The following MYH7 variants were observed in gnomAD, a reference collection of about 807,000 sequenced individuals.
The protein encoded by MYH7 is myosin heavy chain 7.
In MYH7, 129 loss-of-function variants were observed where a neutral mutation model predicts 225.4. The ratio of observed to expected loss-of-function variants is 0.57; its 90% CI spans 0.50 to 0.66. The LOEUF (loss-of-function observed/expected upper bound fraction) is 0.66. MYH7 is among the 30% of genes least tolerant of loss of function. The pLI, the probability that MYH7 is intolerant of heterozygous loss-of-function variation, is 0.00. For missense variants in MYH7, 1,649 were observed against 2,517.0 expected, an observed-to-expected ratio of 0.66 and a Z score of 7.38; for synonymous variants, 971 against 1,007.6, an observed-to-expected ratio of 0.96 and a Z score of 0.69.
At chr14:23,435,014 A>G (rs933739060) in intron 1 of MYH7, among the ~76,000 whole-genome samples, 1 of 152,108 alleles carries the variant, frequency 6.6e-6, no homozygotes, top group Non-Finnish European at 1.5e-5. Context: ...ACGTAAGTAG[A>G]TCACATCACT....
Position 23,433,649 on chromosome 14 carries a change from G to C in MYH7, c.84C>G (p.Thr28=), listed in dbSNP as rs200930470. 132 of 1,614,260 alleles carry C rather than the reference G, an allele frequency of 8.2e-5. No homozygotes were observed. The highest frequency in any genetic ancestry group is 2.0e-4 in the East Asian group (9 of 44,890). The change falls in exon 3 of 40, where the codon ACC becomes ACG. Residue 28 remains threonine (T), a synonymous_variant. Coordinates refer to ENST00000355349, the MANE Select transcript of MYH7 (RefSeq NM_000257.4). This position sits in a 1 kb window ranked among gnomAD's most constrained non-coding sequence, Gnocchi z 4.1. ...KSEKERLEAQ[T]RPFDLKKDVF... is the part of the protein sequence containing the mutation. ...CATCCTTCTTGAGGTCAAAAGGCCTGGTCTGCGCTTCTAGCCGCTCCTTCT... is the reference window on the plus strand; with the variant it reads ...CATCCTTCTTGAGGTCAAAAGGCCTCGTCTGCGCTTCTAGCCGCTCCTTCT...
intron 1 of MYH7, among the ~76,000 whole-genome samples, chr14:23,434,805 A>T (rs1893080870): frequency 6.6e-6 from 1 of 152,114 alleles, no homozygotes; most frequent in Non-Finnish European, 1.5e-5. Flanking sequence ...GAGAGAAGAC[A>T]CTGTGGGCTT....
rs756655803 is a variant in MYH7 at position 23,413,860 on chromosome 14, G to A, written c.5689C>T (p.Arg1897Cys). 8 of 1,614,134 alleles carry A rather than the reference G, an allele frequency of 5.0e-6. No individual in the cohort carries two copies. Among genetic ancestry groups the A allele is most frequent in the East Asian group, 4.5e-5 (2 of 44,902 alleles). The part of the protein sequence containing the change: ...EQANTNLSKF[R>C]KVQHELDEAE... ...TCATCCAGCTCGTGCTGCACCTTGC[G>A]GAACTTGGACAGGTTGGTGTTGGCT... The change falls in exon 39 of 40, where the codon CGC becomes TGC. Residue 1897 changes from arginine (R) to cysteine (C), a missense_variant. Coordinates refer to ENST00000355349, the MANE Select transcript of MYH7 (RefSeq NM_000257.4).
At chr14:23,434,335 T>G in intron 1 of MYH7, 86 bp from the exon 2 acceptor site, 1 of 910,160 alleles carries the variant, frequency 1.1e-6, no homozygotes. Flanking sequence ...GCTCTGTTCT[T>G]CAGCATCCAC....
In MYH7 at chr14:23,432,766, G is replaced by A; in HGVS notation, c.375C>T (p.Val125=). 1 of 1,614,210 alleles carries A rather than the reference G, an allele frequency of 6.2e-7. No individual in the cohort carries two copies. The highest frequency in any genetic ancestry group is 1.3e-5 in the African/African-American group (1 of 75,046). The change falls in exon 5 of 40, where the codon GTC becomes GTT. Residue 125 remains valine (V), a synonymous_variant. Transcript: ENST00000355349. ...YTYSGLFCVT[V]NPYKWLPVYT... ...ACACCGGCAGCCACTTGTAAGGGTTGACGGTGACACAGAAGAGGCCCGAGT... is the reference window on the plus strand; with the variant it reads ...ACACCGGCAGCCACTTGTAAGGGTTAACGGTGACACAGAAGAGGCCCGAGT...
In MYH7 at chr14:23,427,373, C is replaced by A; in HGVS notation, c.1889-66G>T. 5 of 1,588,552 alleles carry A rather than the reference C, an allele frequency of 3.1e-6. No homozygotes were observed. In the South Asian group the frequency reaches 4.4e-5, roughly 14 times the overall value. ...GAGGTAGGGTGTGAGTAAAGAATCACAGCCCCTCTTTACATCCTTGCTGGC... is the reference window on the plus strand; with the variant it reads ...GAGGTAGGGTGTGAGTAAAGAATCAAAGCCCCTCTTTACATCCTTGCTGGC... On this transcript the variant is annotated intron_variant, in intron 16 of 39. Coordinates refer to ENST00000355349, the MANE Select transcript of MYH7 (RefSeq NM_000257.4).
Position 23,427,627 on chromosome 14 carries a change from G to T in MYH7, c.1846C>A (p.Leu616Met). The change falls in exon 16 of 40, where the codon CTG becomes ATG. Residue 616 changes from leucine to methionine, a missense_variant. Transcript: ENST00000355349. ...VGLYQKSSLK[L>M]LSTLFANYAG... Reference sequence around the variant, plus strand: ...TAGTTGGCAAACAGGGTGCTGAGCAGCTTGAGGGAAGACTTCTGATACAAG... The same window carrying T: ...TAGTTGGCAAACAGGGTGCTGAGCATCTTGAGGGAAGACTTCTGATACAAG... The T allele has an allele frequency of 6.2e-7, 1 of 1,614,208 alleles. No individual in the cohort carries two copies.
chr14:23,430,871 A>C (rs763229878), intron 10 of MYH7, 30 bp downstream of exon 10: 40 of 1,528,414 alleles, frequency 2.6e-5, no homozygotes, highest in Non-Finnish European at 3.5e-5. Context: ...CCATGGAGAT[A>C]GTTGGTCTCA....
At chr14:23,414,226 C>A in intron 37 of MYH7, 124 bp from the exon 38 acceptor site, 1 of 750,692 alleles carries the variant, frequency 1.3e-6, no homozygotes. Flanking sequence ...TCACTAAACA[C>A]TTGAATTCTC....
intron 24 of MYH7, 107 bp downstream of exon 24, chr14:23,423,439 AC>A: frequency 8.1e-6 from 1 of 123,612 alleles, no homozygotes; most frequent in Non-Finnish European, 1.1e-5. Context: ...AAACACAAAC[AC>A]ACACACACAC....
chr14:23,430,889 G>T lies in MYH7; in HGVS notation c.895+12C>A, dbSNP rs186276057. The T allele has an allele frequency of 1.0e-5, 16 of 1,595,304 alleles. No homozygotes were observed. Among genetic ancestry groups the T allele is most frequent in the African/African-American group, 1.3e-5 (1 of 74,488 alleles). ...TGGAGATAGTTGGTCTCAGTCGGTG[G>T]CTCTGACTCACCCAGCAGCTCAGGC... On this transcript the variant is annotated intron_variant, in intron 10 of 39. Transcript: ENST00000355349.
At chr14:23,413,688 G>C in intron 39 of MYH7, 71 bp downstream of exon 39, 17 of 1,602,450 alleles carry the variant, frequency 1.1e-5, no homozygotes, top group Non-Finnish European at 1.4e-5. Flanking sequence ...GAAGCATCCC[G>C]GGTTTGAGGG....
chr14:23,429,766 G>A lies in MYH7; in HGVS notation c.1138+9C>T, dbSNP rs776516751. 2 of 1,611,612 alleles carry A rather than the reference G, an allele frequency of 1.2e-6. No homozygotes were observed. Among genetic ancestry groups the A allele is most frequent in the Non-Finnish European group, 1.7e-6 (2 of 1,179,932 alleles). ...TTGACAGCTGCCCCCAAGAATCCCTGCCTCCCACCTTCAGTGCCGTCTGGC... is the reference window on the plus strand; with the variant it reads ...TTGACAGCTGCCCCCAAGAATCCCTACCTCCCACCTTCAGTGCCGTCTGGC... On this transcript the variant is annotated intron_variant, in intron 12 of 39. Transcript: ENST00000355349.
chr14:23,419,741 G>T, intron 27 of MYH7, 104 bp downstream of exon 27: 2 of 1,612,750 alleles, frequency 1.2e-6, no homozygotes, highest in Admixed American at 3.3e-5. Flanking sequence ...ACCAGGCAGA[G>T]GAAGGGAAGT....
rs121913625 is a variant in MYH7 at position 23,429,005 on chromosome 14, G to A, written c.1357C>T (p.Arg453Cys). Residue 453 changes from arginine (R) to cysteine (C), a missense_variant, in exon 14 of 40, where the codon CGC (arginine) becomes TGC (cysteine). Around this residue, in one of 12 missense-constraint regions of MYH7, gnomAD observed 76 missense variants for 233.8 expected, o/e 0.33. Transcript: ENST00000355349. The part of the protein sequence containing the change: ...INATLETKQP[R>C]QYFIGVLDIA... The stretch of plus-strand genomic sequence containing the variant: ...TCCAGGACTCCTATGAAGTACTGGC[G>A]TGGCTGCTTGGTCTCCAGGGTGGCA... 6 of 1,614,098 alleles carry A rather than the reference G, an allele frequency of 3.7e-6. No individual in the cohort carries two copies. Among genetic ancestry groups the A allele is most frequent in the East Asian group, 2.2e-5 (1 of 44,882 alleles).
chr14:23,414,999 T>C lies in MYH7; in HGVS notation c.5555A>G (p.Tyr1852Cys). Residue 1852 changes from tyrosine to cysteine, a missense_variant, in exon 37 of 40, where the codon TAC (tyrosine) becomes TGC (cysteine). Physicochemically the swap from Tyr to Cys is radical, Grantham distance 194. Around this residue, in one of 12 missense-constraint regions of MYH7, gnomAD observed 687 missense variants for 913.8 expected, o/e 0.75. Transcript: ENST00000355349. ...TGGAGTCACCGCCCGTCGCACCTGG[T>C]AGGTGAGCTCCTTGATGCGCCGCTC... ...KSERRIKELT[Y>C]QTEEDRKNLL... is the part of the protein sequence containing the mutation. 2 of 1,607,378 alleles carry C rather than the reference T, an allele frequency of 1.2e-6. No individual in the cohort carries two copies. Among genetic ancestry groups the C allele is most frequent in the Non-Finnish European group, 8.5e-7 (1 of 1,179,994 alleles).
In MYH7 at chr14:23,425,922, G is replaced by A; in HGVS notation, c.2162+42C>T. 6.2e-6 allele frequency: 10 copies of A among 1,612,882 alleles called. No homozygotes were observed. The highest frequency in any genetic ancestry group is 2.2e-5 in the East Asian group (1 of 44,888). ...ATCCCATTCCCATCAGGGCAGCCTGGCTCCCCCTGTTCTATGAGCTCTGGT... is the reference window on the plus strand; with the variant it reads ...ATCCCATTCCCATCAGGGCAGCCTGACTCCCCCTGTTCTATGAGCTCTGGT... On this transcript the variant is annotated intron_variant, in intron 19 of 39. Coordinates refer to ENST00000355349, the MANE Select transcript of MYH7 (RefSeq NM_000257.4). The surrounding 1 kb of genome is among the most constrained non-coding windows in gnomAD (Gnocchi z 4.6).
Position 23,415,619 on chromosome 14 carries a change from A to G in MYH7, c.5157+10T>C, listed in dbSNP as rs1208157711. 1 of 1,613,472 alleles carries G rather than the reference A, an allele frequency of 6.2e-7. No individual in the cohort carries two copies. Among genetic ancestry groups the G allele is most frequent in the Non-Finnish European group, 8.5e-7 (1 of 1,180,012 alleles). On this transcript the variant is annotated intron_variant, in intron 35 of 39. Coordinates refer to ENST00000355349, the MANE Select transcript of MYH7 (RefSeq NM_000257.4). This position sits in a 1 kb window ranked among gnomAD's most constrained non-coding sequence, Gnocchi z 6.3. ...TGCTCCCTTCAGGAATGAGCAGGGG[A>G]GCTGCTCACCTGGGAATGCAGCAGC...
chr14:23,428,275 T>C (rs1892777245), intron 15 of MYH7, among the ~76,000 whole-genome samples: 1 of 152,144 alleles, frequency 6.6e-6, no homozygotes, highest in Non-Finnish European at 1.5e-5. Flanking sequence ...ATCATGCAGG[T>C]GCCCATCCTC....
Sources: allele counts gnomAD v4.1 joint callset (sites outside exome capture counted in the v4.1 genomes callset), GRCh38; gene constraint gnomAD v4.1.1; regional missense constraint gnomAD v4.1.1; non-coding constraint Gnocchi (gnomAD v3.1); transcripts MANE v1.5; gene names NCBI Gene and HGNC (gene_info 2026-07-23, HGNC 2026-07-21).